The following TMC5 variants were observed in gnomAD, a reference collection of about 807,000 sequenced individuals.
The protein encoded by TMC5 is transmembrane channel-like protein 5.
TMC5 carries 86 observed loss-of-function variants against 110.5 expected under a neutral mutation model. The ratio of observed to expected loss-of-function variants is 0.78; its 90% CI spans 0.65 to 0.93. TMC5 has a LOEUF of 0.93. TMC5 is among the 40% of genes least tolerant of loss of function. TMC5 has a pLI of 0.00. For synonymous variants in TMC5, 455 were observed against 439.5 expected (o/e 1.04, Z -0.44); for missense variants, 1,144 against 1,222.8 (o/e 0.94, Z 0.96).
At chr16:19,432,303 T>C (rs1967211193) in intron 2 of TMC5, among the ~76,000 whole-genome samples, 1 of 152,184 alleles carries the variant, frequency 6.6e-6, no homozygotes, top group African/African-American at 2.4e-5. Flanking sequence ...GGGCATGTGA[T>C]TGAAAACCAT....
At chr16:19,412,137 T>C (rs902626764) in intron 1 of TMC5, among the ~76,000 whole-genome samples, 2 of 151,902 alleles carry the variant, frequency 1.3e-5, no homozygotes, top group Non-Finnish European at 2.9e-5. Context: ...AGTGTTGTGA[T>C]TGTAGCTTAT....
intron 6 of TMC5, 29 bp downstream of exon 6, chr16:19,460,363 C>T: frequency 6.7e-7 from 1 of 1,501,594 alleles, no homozygotes; most frequent in African/African-American, 1.4e-5. Context: ...TCTTCTTTCT[C>T]AGATTTCATG....
rs1967868427 is a variant in TMC5, at chr16:19,456,232, C to A, written c.1049-4003C>A. 2.0e-5 allele frequency among the ~76,000 whole-genome samples: 3 copies of A among 147,010 alleles called. No homozygotes were observed. The South Asian group carries it at 6.3e-4, about 31-fold the overall frequency. ...AAAAAAAAAAATATATATATACACA[C>A]ATTTAGAATATATATATGTATATTT... On this transcript the variant is annotated intron_variant, in intron 5 of 21. Coordinates refer to ENST00000542583, the MANE Select transcript of TMC5 (RefSeq NM_001261841.2).
chr16:19,453,699 C>T (rs899228498), intron 5 of TMC5, among the ~76,000 whole-genome samples: 6 of 152,092 alleles, frequency 3.9e-5, no homozygotes, highest in African/African-American at 1.4e-4. Flanking sequence ...GCCCAGGAGG[C>T]AGGCACTGCA....
In TMC5 at chr16:19,440,157, G is replaced by A. The variant is rs1967449695; in HGVS notation, c.119G>A (p.Gly40Asp). 1 of 1,614,070 alleles carries A rather than the reference G, an allele frequency of 6.2e-7. No homozygotes were observed. The highest frequency in any genetic ancestry group is 8.5e-7 in the Non-Finnish European group (1 of 1,180,022). ...ACTCAAGGTTATCCAGATGTTCCAGGTCCTCTGAACAATCCAGACTACCCC... is the reference window on the plus strand; with the variant it reads ...ACTCAAGGTTATCCAGATGTTCCAGATCCTCTGAACAATCCAGACTACCCC... ...LKTQGYPDVPGPLNNPDYPGT... is the reference protein window; with the variant it reads ...LKTQGYPDVPDPLNNPDYPGT... Residue 40 changes from glycine (G) to aspartate (D), a missense_variant, in exon 3 of 22, where the codon GGT becomes GAT. Physicochemically the swap from Gly to Asp is moderately conservative, Grantham distance 94. Transcript: ENST00000542583.
upstream of TMC5, among the ~76,000 whole-genome samples, chr16:19,414,514 T>C (rs1966867183): frequency 6.6e-6 from 1 of 152,210 alleles, no homozygotes; most frequent in South Asian, 2.1e-4. Flanking sequence ...TTTACTTATC[T>C]TTTAAAAAGA....
intron 2 of TMC5, among the ~76,000 whole-genome samples, chr16:19,431,076 G>A (rs943636497): frequency 1.4e-4 from 21 of 152,096 alleles, no homozygotes; most frequent in African/African-American, 5.1e-4. Flanking sequence ...TGGTTCATTG[G>A]AACTAGTTAA....
chr16:19,493,466 T>TTTCTCTGTCTCTTTC (rs55737824), intron 19 of TMC5, among the ~76,000 whole-genome samples: 1 of 124,496 alleles, frequency 8.0e-6, no homozygotes, highest in Non-Finnish European at 1.6e-5. Flanking sequence ...TCTCTCTCTC[T>TTTCTCTGTCTCTTTC]TTTTTTTTTT....
chr16:19,452,726 G>C (rs963736819), intron 5 of TMC5, among the ~76,000 whole-genome samples: 1 of 152,094 alleles, frequency 6.6e-6, no homozygotes, highest in African/African-American at 2.4e-5. Context: ...AGAAAGCTGT[G>C]TCTGTTCAGA....
intron 10 of TMC5, among the ~76,000 whole-genome samples, 199 bp from the exon 11 acceptor site, chr16:19,471,889 T>A (rs567006186): frequency 6.6e-6 from 1 of 152,156 alleles, no homozygotes; most frequent in South Asian, 2.1e-4. Context: ...GCCTCCCGAG[T>A]AGCTGGGATT....
chr16:19,448,616 C>A (rs1314832015), intron 4 of TMC5, among the ~76,000 whole-genome samples: 1 of 146,844 alleles, frequency 6.8e-6, no homozygotes, highest in Non-Finnish European at 1.5e-5. Context: ...GAGAACCTGT[C>A]TTAAAATATA....
intron 2 of TMC5, among the ~76,000 whole-genome samples, chr16:19,436,322 A>AT (rs1224879389): frequency 6.6e-6 from 1 of 150,836 alleles, no homozygotes; most frequent in Non-Finnish European, 1.5e-5. Context: ...TTCCGTGAAC[A>AT]TTTTTCTTAT....
intron 6 of TMC5, 121 bp from the exon 7 acceptor site, chr16:19,463,159 G>T: frequency 1.4e-6 from 1 of 737,916 alleles, no homozygotes; most frequent in Non-Finnish European, 2.4e-6. Flanking sequence ...TGGCCTCAGT[G>T]ATCCTCTTGC....
chr16:19,475,382 AC>A (rs1968461498), intron 12 of TMC5, among the ~76,000 whole-genome samples: 1 of 151,752 alleles, frequency 6.6e-6, no homozygotes, highest in South Asian at 2.1e-4. Flanking sequence ...AGATCCTGCC[AC>A]TGCACTCCAG....
intron 9 of TMC5, among the ~76,000 whole-genome samples, chr16:19,467,674 G>A (rs1968224724): frequency 6.6e-6 from 1 of 151,960 alleles, no homozygotes; most frequent in Non-Finnish European, 1.5e-5. Context: ...TAGAAACGGG[G>A]TTTCACCATG....
intron 9 of TMC5, among the ~76,000 whole-genome samples, chr16:19,467,967 A>T (rs749002576): frequency 1.3e-5 from 2 of 151,586 alleles, no homozygotes; most frequent in African/African-American, 2.4e-5. Flanking sequence ...AAATGATTTT[A>T]TTATTATTAT....
At chr16:19,473,786 C>A (rs1233604721) in intron 11 of TMC5, among the ~76,000 whole-genome samples, 1 of 152,088 alleles carries the variant, frequency 6.6e-6, no homozygotes, top group African/African-American at 2.4e-5. Context: ...TAGAGACCAG[C>A]CTGGCCAACA....
chr16:19,491,824 A>G (rs1968914795), intron 18 of TMC5, among the ~76,000 whole-genome samples: 1 of 148,810 alleles, frequency 6.7e-6, no homozygotes, highest in South Asian at 2.2e-4. Flanking sequence ...GGCATGAGCC[A>G]CCGTGCTGGG....
intron 14 of TMC5, 144 bp from the exon 15 acceptor site, chr16:19,481,226 T>C: frequency 1.6e-6 from 1 of 642,108 alleles, no homozygotes. Flanking sequence ...CTTATAGATT[T>C]AGAACTTTTG....
Sources: gnomAD v4.1 joint callset for allele counts (sites outside exome capture counted in the v4.1 genomes callset) on GRCh38, gnomAD v4.1.1 for gene constraint, MANE v1.5 for transcripts, NCBI Gene and HGNC (gene_info 2026-07-23, HGNC 2026-07-21) for gene names.